The following FAM81A variants were observed in gnomAD, a reference collection of about 807,000 sequenced individuals.
FAM81A encodes family with sequence similarity 81 member A.
Under a neutral mutation model 46.7 loss-of-function variants are expected in FAM81A, and 19 were observed. That is an observed-to-expected ratio of 0.41 (90% CI 0.28 to 0.60). The LOEUF (loss-of-function observed/expected upper bound fraction) is 0.60, where lower values mean the gene tolerates loss of function less well. Among genes scored for constraint, FAM81A ranks in the 20% least tolerant of loss-of-function variants. FAM81A has a pLI of 0.34. For synonymous variants in FAM81A, 183 were observed against 152.9 expected (o/e 1.20, Z -1.45); for missense variants, 377 against 453.5 (o/e 0.83, Z 1.53).
chr15:59,453,570 C>T (rs923110941), intron 1 of FAM81A, among the ~76,000 whole-genome samples: 4 of 151,996 alleles, frequency 2.6e-5, no homozygotes, highest in Admixed American at 6.6e-5. Flanking sequence ...TATCCTACCA[C>T]CATGTTTTCT....
At chr15:59,447,212 G>C (rs2081362547) in intron 1 of FAM81A, among the ~76,000 whole-genome samples, 1 of 152,164 alleles carries the variant, frequency 6.6e-6, no homozygotes, top group Non-Finnish European at 1.5e-5. Flanking sequence ...AGGATTTCTG[G>C]GTTGCTGAGG....
intron 2 of FAM81A, among the ~76,000 whole-genome samples, chr15:59,430,399 G>A (rs542660237): frequency 1.9e-4 from 29 of 151,890 alleles, no homozygotes; most frequent in Admixed American, 5.2e-4. Context: ...TGTGTAGCTG[G>A]GATTACAGGC....
intron 2 of FAM81A, among the ~76,000 whole-genome samples, chr15:59,417,149 A>G (rs529021620): frequency 2.0e-5 from 3 of 152,266 alleles, no homozygotes; most frequent in South Asian, 4.1e-4. Context: ...GAGGGATGCT[A>G]TAGATAGAAA....
chr15:59,413,736 A>G (rs1468497729), intron 2 of FAM81A, among the ~76,000 whole-genome samples: 1 of 152,114 alleles, frequency 6.6e-6, no homozygotes, highest in Admixed American at 6.6e-5. Flanking sequence ...CCTGGGCAGC[A>G]TAGTGAGACC....
intron 1 of FAM81A, chr15:59,445,065 T>A (rs2081339700): frequency 6.6e-6 from 1 of 152,222 alleles, no homozygotes; most frequent in Non-Finnish European, 1.5e-5. Flanking sequence ...GGAACATTGG[T>A]ACTTGAGGTT....
In FAM81A at chr15:59,460,567, C is replaced by T. The variant is rs1321091847; in HGVS notation, c.294+361C>T. 1.0e-4 allele frequency: 37 copies of T among 365,360 alleles called. No homozygotes were observed. The highest frequency in any genetic ancestry group is 6.8e-5 in the Non-Finnish European group (13 of 190,312). 22.6% of individuals were successfully genotyped at this position (365,360 alleles called of 1,614,324 possible). A position where few individuals can be genotyped will look rare whatever the true frequency, so the allele number is the denominator to read the frequency against. On this transcript the variant is annotated intron_variant, in intron 3 of 8. Transcript: ENST00000288228. The surrounding 1 kb of genome is among the most constrained non-coding windows in gnomAD (Gnocchi z 4.4). Reference sequence around the variant, plus strand: ...CAGCTATTAAGTCAATTACTAAGGTCAGACTCTGTTGCTTCAGATTAAATG... The same window carrying T: ...CAGCTATTAAGTCAATTACTAAGGTTAGACTCTGTTGCTTCAGATTAAATG...
chr15:59,485,714 A>G (rs534147319), intron 3 of FAM81A, among the ~76,000 whole-genome samples: 2 of 152,340 alleles, frequency 1.3e-5, no homozygotes, highest in African/African-American at 4.8e-5. Flanking sequence ...CTAGGAAAAC[A>G]TGACCTCACC....
At chr15:59,518,833 G>C (rs553610811) in intron 8 of FAM81A, among the ~76,000 whole-genome samples, 19 of 150,660 alleles carry the variant, frequency 1.3e-4, no homozygotes, top group Middle Eastern at 3.5e-3. Flanking sequence ...GTATATTTAA[G>C]GTATACAACA....
rs749585872 is a variant in FAM81A, at chr15:59,522,960, C to A, written c.*1582C>A. The A allele has an allele frequency of 6.6e-6, 1 of 152,258 alleles. No individual in the cohort carries two copies. Among genetic ancestry groups the A allele is most frequent in the East Asian group, 1.9e-4 (1 of 5,178 alleles). 9.4% of individuals were successfully genotyped at this position (152,258 alleles called of 1,614,324 possible). The stretch of plus-strand genomic sequence containing the variant: ...TATTTTGCCACAAATTTCCACTTAA[C>A]AAATAAAAAAAGGCGAATGCTGTTT... On this transcript the variant is annotated 3_prime_UTR_variant, in exon 9 of 9. Transcript: ENST00000288228.
At chr15:59,421,778 T>TAC (rs1567039158) in intron 2 of FAM81A, among the ~76,000 whole-genome samples, 1 of 131,654 alleles carries the variant, frequency 7.6e-6, no homozygotes, top group African/African-American at 2.5e-5. Context: ...TATCTATCTA[T>TAC]CTATCTATCT....
chr15:59,451,096 G>T (rs1470840161), intron 1 of FAM81A, among the ~76,000 whole-genome samples: 1 of 152,190 alleles, frequency 6.6e-6, no homozygotes, highest in Non-Finnish European at 1.5e-5. Context: ...CAGCATCATG[G>T]GTTCCAGTGT....
chr15:59,464,805 G>A (rs879716225), intron 3 of FAM81A, among the ~76,000 whole-genome samples: 2 of 152,122 alleles, frequency 1.3e-5, no homozygotes, highest in Admixed American at 6.6e-5. Context: ...TTGTGCAGAA[G>A]CGTTTTTGTT....
At chr15:59,450,339 T>C (rs1355535714) in intron 1 of FAM81A, among the ~76,000 whole-genome samples, 1 of 152,202 alleles carries the variant, frequency 6.6e-6, no homozygotes, top group East Asian at 1.9e-4. Flanking sequence ...CCTCACTTTT[T>C]TGCTATTAGA....
chr15:59,503,826 G>A (rs1196294605), intron 4 of FAM81A, among the ~76,000 whole-genome samples: 1 of 152,150 alleles, frequency 6.6e-6, no homozygotes, highest in Non-Finnish European at 1.5e-5. Context: ...ACCTGCCTCG[G>A]CCTCCTAAAG....
At chr15:59,405,680 C>T (rs2081091015) in intron 2 of FAM81A, among the ~76,000 whole-genome samples, 1 of 152,142 alleles carries the variant, frequency 6.6e-6, no homozygotes, top group Non-Finnish European at 1.5e-5. Flanking sequence ...ACTACTTCAT[C>T]CTGTCCATCC....
At chr15:59,445,965 C>T in intron 1 of FAM81A, among the ~76,000 whole-genome samples, 1 of 152,196 alleles carries the variant, frequency 6.6e-6, no homozygotes, top group Non-Finnish European at 1.5e-5. Flanking sequence ...GGGTGACCTC[C>T]AGCCTTCCGC....
intron 3 of FAM81A, among the ~76,000 whole-genome samples, chr15:59,481,969 CTT>C (rs1252703403): frequency 2.6e-5 from 4 of 151,498 alleles, no homozygotes; most frequent in African/African-American, 9.7e-5. Flanking sequence ...AAAAAATAGA[CTT>C]TATTTTTTAG....
At chr15:59,459,172 A>T (rs1371476180) in intron 2 of FAM81A, among the ~76,000 whole-genome samples, 4 of 151,734 alleles carry the variant, frequency 2.6e-5, no homozygotes, top group Non-Finnish European at 4.4e-5. Flanking sequence ...TTTTTAAATA[A>T]TTTTTTTTGT....
intron 3 of FAM81A, among the ~76,000 whole-genome samples, chr15:59,471,553 C>T (rs2081690618): frequency 6.6e-6 from 1 of 151,862 alleles, no homozygotes; most frequent in Non-Finnish European, 1.5e-5. Flanking sequence ...GCGTCAAACT[C>T]CTGGGCTCAA....
Sources: gnomAD v4.1 joint callset for allele counts (sites outside exome capture counted in the v4.1 genomes callset) on GRCh38, gnomAD v4.1.1 for gene constraint, Gnocchi (gnomAD v3.1) non-coding constraint, MANE v1.5 for transcripts, NCBI Gene and HGNC (gene_info 2026-07-23, HGNC 2026-07-21) for gene names.